The following SULF2 variants were observed in gnomAD, a reference collection of about 807,000 sequenced individuals.
SULF2 encodes the protein sulfatase 2.
Under a neutral mutation model 107.7 loss-of-function variants are expected in SULF2, and 52 were observed. That is an observed-to-expected ratio of 0.48 (90% CI 0.39 to 0.61). The LOEUF is 0.61. Ranked by LOEUF, SULF2 falls within the 20% of genes least tolerant of loss-of-function variation. The pLI, the probability that SULF2 is intolerant of heterozygous loss-of-function variation, is 0.00. For synonymous variants in SULF2, 460 were observed against 464.3 expected (o/e 0.99, Z 0.12); for missense variants, 993 against 1,177.3 (o/e 0.84, Z 2.29).
chr20:47,727,064 G>A (rs1415359891), intron 3 of SULF2, among the ~76,000 whole-genome samples: 1 of 150,966 alleles, frequency 6.6e-6, no homozygotes. Context: ...TTTATGGGGG[G>A]GGGCGGGGTT....
chr20:47,724,442 G>A (rs376204984), intron 3 of SULF2, among the ~76,000 whole-genome samples: 1 of 152,220 alleles, frequency 6.6e-6, no homozygotes, highest in African/African-American at 2.4e-5. Context: ...GTTGTAGCAG[G>A]GCCAGGCGGA....
At chr20:47,766,257 C>T (rs1278319707) in intron 1 of SULF2, among the ~76,000 whole-genome samples, 2 of 152,206 alleles carry the variant, frequency 1.3e-5, no homozygotes, top group African/African-American at 4.8e-5. Flanking sequence ...CTCTTTGGGG[C>T]CGTCAAAGAA....
intron 3 of SULF2, among the ~76,000 whole-genome samples, chr20:47,718,970 T>C: frequency 6.6e-6 from 1 of 152,218 alleles, no homozygotes; most frequent in East Asian, 1.9e-4. Context: ...TCCCAAGATA[T>C]AATTTCCTGA....
chr20:47,677,536 C>T (rs527334222), intron 8 of SULF2, among the ~76,000 whole-genome samples: 1 of 152,264 alleles, frequency 6.6e-6, no homozygotes, highest in East Asian at 1.9e-4. Context: ...CAGCATCAGG[C>T]GCAGTGGTTT....
chr20:47,757,602 G>A (rs949592468), intron 1 of SULF2, 139 bp from the exon 2 acceptor site: 2 of 473,822 alleles, frequency 4.2e-6, no homozygotes, highest in East Asian at 3.3e-5. Flanking sequence ...AGTGAAAACC[G>A]AACTCCGCTG....
At position 47,666,396 on chromosome 20, in the gene SULF2, C is replaced by T. The variant is rs373071532; in HGVS notation, c.1669G>A (p.Ala557Thr). 39 of 1,613,890 alleles carry T rather than the reference C, an allele frequency of 2.4e-5. No individual in the cohort carries two copies. The highest frequency in any genetic ancestry group is 3.1e-5 in the Non-Finnish European group (36 of 1,180,036). ...RVYHVGLGDA[A>T]QPRNLTKRHW... Reference sequence around the variant, plus strand: ...CGCTTGGTGAGGTTTCGGGGCTGGGCGGCATCACCCAGGCCTACGTGGTAC... The same window carrying T: ...CGCTTGGTGAGGTTTCGGGGCTGGGTGGCATCACCCAGGCCTACGTGGTAC... Residue 557 changes from alanine (A) to threonine (T), a missense_variant, in exon 12 of 21, where the codon GCC becomes ACC. Ala to Thr is a moderately conservative substitution (Grantham distance 58). Around this residue, in one of 3 missense-constraint regions of SULF2, gnomAD observed 497 missense variants for 544.1 expected, o/e 0.91. Coordinates refer to ENST00000688720, the MANE Select transcript of SULF2 (RefSeq NM_001387048.1). This position sits in a 1 kb window ranked among gnomAD's most constrained non-coding sequence, Gnocchi z 5.4.
rs776520464 is a variant in SULF2, at chr20:47,663,589, C to G, written c.2091G>C (p.Leu697=). ...TCTTCTTGCGCTTCTGCTCCCGCAA[C>G]AGCCACACCTTGTCCTTCTCTTGCA... is the stretch of plus-strand genomic sequence containing the variant. ...KGLQEKDKVW[L]LREQKRKKKL... The change falls in exon 16 of 21, where the codon CTG becomes CTC. Residue 697 remains leucine (L), a synonymous_variant. Coordinates refer to ENST00000688720, the MANE Select transcript of SULF2 (RefSeq NM_001387048.1). The G allele has an allele frequency of 6.2e-7, 1 of 1,607,164 alleles. No homozygotes were observed. Among genetic ancestry groups the G allele is most frequent in the African/African-American group, 1.3e-5 (1 of 75,002 alleles).
intron 3 of SULF2, among the ~76,000 whole-genome samples, chr20:47,734,490 T>G (rs1002452090): frequency 7.9e-5 from 12 of 152,250 alleles, no homozygotes; most frequent in African/African-American, 2.7e-4. Flanking sequence ...GTATAACATA[T>G]CACGCAGTTG....
At chr20:47,715,812 C>T (rs567023781) in intron 3 of SULF2, among the ~76,000 whole-genome samples, 1 of 152,202 alleles carries the variant, frequency 6.6e-6, no homozygotes, top group Non-Finnish European at 1.5e-5. Flanking sequence ...GAGCTGACCT[C>T]AAGTGATCCA....
At chr20:47,709,402 T>C (rs1307018703) in intron 3 of SULF2, among the ~76,000 whole-genome samples, 1 of 152,232 alleles carries the variant, frequency 6.6e-6, no homozygotes, top group Admixed American at 6.5e-5. Flanking sequence ...CCAGAGCACT[T>C]ACTGCCTCCT....
At chr20:47,733,501 G>A (rs759919645) in intron 3 of SULF2, among the ~76,000 whole-genome samples, 17 of 152,214 alleles carry the variant, frequency 1.1e-4, no homozygotes, top group Non-Finnish European at 1.9e-4. Context: ...GGCCGGGTGC[G>A]TTGGCTCATG....
intron 2 of SULF2, among the ~76,000 whole-genome samples, chr20:47,743,094 C>T (rs2089927847): frequency 6.6e-6 from 1 of 151,886 alleles, no homozygotes; most frequent in Non-Finnish European, 1.5e-5. Context: ...AGTGAGATGC[C>T]TTCCTATGGC....
intron 1 of SULF2, among the ~76,000 whole-genome samples, chr20:47,764,726 A>C (rs1437658538): frequency 6.6e-6 from 1 of 152,084 alleles, no homozygotes; most frequent in Non-Finnish European, 1.5e-5. Flanking sequence ...CCAGGTACAG[A>C]CTCAAAAAAG....
At chr20:47,675,811 A>C (rs1027701049) in intron 10 of SULF2, among the ~76,000 whole-genome samples, 1 of 135,842 alleles carries the variant, frequency 7.4e-6, no homozygotes, top group Admixed American at 8.7e-5. Context: ...AGCCTCCTTC[A>C]GGCTTTCCCA....
In SULF2 at chr20:47,676,520, G is replaced by C. The variant is rs374485559; in HGVS notation, c.1354C>G (p.Gln452Glu). The C allele has an allele frequency of 1.2e-6, 2 of 1,605,294 alleles. No individual in the cohort carries two copies. Among genetic ancestry groups the C allele is most frequent in the African/African-American group, 2.7e-5 (2 of 74,782 alleles). ...TGTCCCAGCTGCTCACACGCCGTCT[G>C]GTACTCAGCACGCTGACACAGGTCC... ...VKDLCQRAEY[Q>E]TACEQLGQKW... The change falls in exon 10 of 21, where the codon CAG (glutamine) becomes GAG (glutamate). Residue 452 changes from glutamine to glutamate, a missense_variant. By Grantham distance (29) the Gln-to-Glu change is conservative. Coordinates refer to ENST00000688720, the MANE Select transcript of SULF2 (RefSeq NM_001387048.1).
chr20:47,696,868 C>T (rs1011001503), intron 4 of SULF2, among the ~76,000 whole-genome samples: 14 of 152,186 alleles, frequency 9.2e-5, no homozygotes, highest in African/African-American at 2.4e-4. Context: ...GGATGCTTCA[C>T]GGTCATTTAG....
chr20:47,753,928 A>C (rs1221038503), intron 2 of SULF2, among the ~76,000 whole-genome samples: 1 of 152,170 alleles, frequency 6.6e-6, no homozygotes, highest in Non-Finnish European at 1.5e-5. Flanking sequence ...AGTCCAGCAA[A>C]AGTCCGTTGG....
intron 1 of SULF2, among the ~76,000 whole-genome samples, chr20:47,781,037 C>A (rs952683649): frequency 6.6e-6 from 1 of 152,232 alleles, no homozygotes; most frequent in Admixed American, 6.5e-5. Context: ...CTGGTCTTTG[C>A]CTTTTTAAAC....
intron 1 of SULF2, among the ~76,000 whole-genome samples, chr20:47,779,901 CCAGA>C (rs2090793424): frequency 6.6e-6 from 1 of 152,280 alleles, no homozygotes; most frequent in Admixed American, 6.5e-5. Flanking sequence ...GCCACCGCGT[CCAGA>C]CAGTTATCCA....
Sources: allele counts gnomAD v4.1 joint callset (sites outside exome capture counted in the v4.1 genomes callset), GRCh38; gene constraint gnomAD v4.1.1; regional missense constraint gnomAD v4.1.1; non-coding constraint Gnocchi (gnomAD v3.1); transcripts MANE v1.5; gene names NCBI Gene and HGNC (gene_info 2026-07-23, HGNC 2026-07-21).